TMEM47: variants seen among roughly 807,000 people sequenced by gnomAD.
The protein encoded by TMEM47 is transmembrane protein 47.
A neutral mutation model predicts 12.4 loss-of-function variants in TMEM47; 3 were observed. That is an observed-to-expected ratio of 0.24 (90% CI 0.11 to 0.63). TMEM47 has a LOEUF of 0.63. Among genes scored for constraint, TMEM47 ranks in the 20% least tolerant of loss-of-function variants. TMEM47 has a pLI of 0.86. For missense variants in TMEM47, 89 were observed against 143.8 expected, an observed-to-expected ratio of 0.62 and a Z score of 1.95; for synonymous variants, 62 against 63.3, an observed-to-expected ratio of 0.98 and a Z score of 0.10.
intron 2 of TMEM47, among the ~76,000 whole-genome samples, chrX:34,633,402 T>G (rs1262600115): frequency 1.8e-5 from 2 of 110,841 alleles, no homozygotes; most frequent in Non-Finnish European, 3.8e-5. Flanking sequence ...GCATAGGCAC[T>G]GCAAAACTCC....
chrX:34,647,844 T>C (rs978022481), intron 1 of TMEM47, among the ~76,000 whole-genome samples: 1 of 112,108 alleles, frequency 8.9e-6, no homozygotes, highest in Non-Finnish European at 1.9e-5. Flanking sequence ...TTAAGAAACA[T>C]ACATGGTTGA....
At chrX:34,633,646 T>C (rs1205272864) in intron 2 of TMEM47, among the ~76,000 whole-genome samples, 1 of 111,929 alleles carries the variant, frequency 8.9e-6, no homozygotes, top group Non-Finnish European at 1.9e-5. Context: ...TACTCTAAAA[T>C]GATTACACTG....
At chrX:34,636,246 G>A (rs745317598) in intron 2 of TMEM47, among the ~76,000 whole-genome samples, 2 of 111,456 alleles carry the variant, frequency 1.8e-5, no homozygotes, top group Non-Finnish European at 3.8e-5. Flanking sequence ...GATGAGGGCT[G>A]TAAGACACAA....
At position 34,640,726 on chromosome X, in the gene TMEM47, G is replaced by C. The variant is rs1055108896; in HGVS notation, c.227-1339C>G. 4.5e-5 allele frequency among the ~76,000 whole-genome samples: 5 copies of C among 111,464 alleles called. No homozygotes were observed. The Admixed American group carries it at 4.8e-4, about 11-fold the overall frequency. ...CAAAATGCACTCTTTGTTACGGTAG[G>C]ATAAACGATGAGCAGAGGAATTGCC... is the stretch of plus-strand genomic sequence containing the variant. On this transcript the variant is annotated intron_variant, in intron 1 of 2. Transcript: ENST00000275954.
intron 1 of TMEM47, among the ~76,000 whole-genome samples, chrX:34,642,771 G>A (rs1569163832): frequency 8.9e-6 from 1 of 112,028 alleles, no homozygotes; most frequent in East Asian, 2.8e-4. Context: ...AACTAGAAAT[G>A]GGCCATGACT....
chrX:34,639,241 G>A lies in TMEM47; in HGVS notation c.367+6C>T. On this transcript the variant is annotated splice_donor_region_variant and intron_variant, in intron 2 of 2. Coordinates refer to ENST00000275954, the MANE Select transcript of TMEM47 (RefSeq NM_031442.4). ...ATACTCATTTGAAAGTAATGAATCT[G>A]TTTACCTGCTGCAAAAAGCATGACC... The A allele has an allele frequency of 8.5e-7, 1 of 1,181,271 alleles. No homozygotes were observed. Among genetic ancestry groups the A allele is most frequent in the Non-Finnish European group, 1.1e-6 (1 of 879,700 alleles).
At position 34,656,963 on chromosome X, in the gene TMEM47, C is replaced by G. The variant is rs866841624; in HGVS notation, c.67G>C (p.Gly23Arg). The change falls in exon 1 of 3, where the codon GGG becomes CGG. Residue 23 changes from glycine to arginine, a missense_variant. Coordinates refer to ENST00000275954, the MANE Select transcript of TMEM47 (RefSeq NM_031442.4). Reference sequence around the variant, plus strand: ...AGCGCCAGGAAGATGCACACCAGCCCGACCAGCTTCAAGGGGGTCAGCACC... The same window carrying G: ...AGCGCCAGGAAGATGCACACCAGCCGGACCAGCTTCAAGGGGGTCAGCACC... ...VSVLTPLKLV[G>R]LVCIFLALCL... is the part of the protein sequence containing the mutation. 2.5e-6 allele frequency: 3 copies of G among 1,186,796 alleles called. No individual in the cohort carries two copies. The highest frequency in any genetic ancestry group is 3.4e-6 in the Non-Finnish European group (3 of 883,130).
Position 34,657,229 on chromosome X carries a change from G to A in TMEM47, c.-200C>T. 1 of 560,742 alleles carries A rather than the reference G, an allele frequency of 1.8e-6. No individual in the cohort carries two copies. Among genetic ancestry groups the A allele is most frequent in the Non-Finnish European group, 2.4e-6 (1 of 419,869 alleles). 46.2% of individuals were successfully genotyped at this position (560,742 alleles called of 1,213,427 possible). A position where few individuals can be genotyped will look rare whatever the true frequency, so the allele number is the denominator to read the frequency against. On this transcript the variant is annotated 5_prime_UTR_variant, in exon 1 of 3. Coordinates refer to ENST00000275954, the MANE Select transcript of TMEM47 (RefSeq NM_031442.4). ...GCCGGCCGGGTGTGGGTCGTCGGCA[G>A]CCGCAGCGACGTCGATTCCACCCCG...
intron 1 of TMEM47, among the ~76,000 whole-genome samples, chrX:34,653,810 G>A (rs752167431): frequency 7.2e-5 from 8 of 111,733 alleles, no homozygotes; most frequent in Non-Finnish European, 9.4e-5. Flanking sequence ...TTCTGTGGCC[G>A]GCAGCCATGT....
At chrX:34,652,829 G>A (rs1481564082) in intron 1 of TMEM47, among the ~76,000 whole-genome samples, 1 of 111,864 alleles carries the variant, frequency 8.9e-6, no homozygotes, top group African/African-American at 3.3e-5. Flanking sequence ...TTCTTCTTAT[G>A]TTCTTTTCAA....
At chrX:34,654,031 TAGA>T (rs1459967115) in intron 1 of TMEM47, among the ~76,000 whole-genome samples, 2 of 111,861 alleles carry the variant, frequency 1.8e-5, no homozygotes, top group East Asian at 5.6e-4. Flanking sequence ...TGGTTCGTAC[TAGA>T]AGAGCTGACG....
At chrX:34,641,938 C>A (rs761326853) in intron 1 of TMEM47, among the ~76,000 whole-genome samples, 1 of 112,329 alleles carries the variant, frequency 8.9e-6, no homozygotes, top group Non-Finnish European at 1.9e-5. Context: ...CTCACTGCAA[C>A]CTCCGTCTCC....
rs1448706171 is a variant in TMEM47, at chrX:34,629,063, T to C, written c.*1250A>G. 8.9e-6 allele frequency: 1 copy of C among 111,848 alleles called. No homozygotes were observed. Among genetic ancestry groups the C allele is most frequent in the East Asian group, 2.8e-4 (1 of 3,545 alleles). 9.2% of individuals were successfully genotyped at this position (111,848 alleles called of 1,213,427 possible). ...TGAATTCTACTCCTCTACTGAGACA[T>C]TTAGATATTTATATAAATCTATCGC... On this transcript the variant is annotated 3_prime_UTR_variant, in exon 3 of 3. Coordinates refer to ENST00000275954, the MANE Select transcript of TMEM47 (RefSeq NM_031442.4).
At chrX:34,654,328 C>T (rs978273476) in intron 1 of TMEM47, among the ~76,000 whole-genome samples, 40 of 111,493 alleles carry the variant, frequency 3.6e-4, no homozygotes, top group Non-Finnish European at 4.1e-4. Flanking sequence ...CTTAAAGATC[C>T]TGGTGAAGGG....
intron 1 of TMEM47, 66 bp from the exon 2 acceptor site, chrX:34,639,453 G>T: frequency 9.3e-7 from 1 of 1,078,520 alleles, no homozygotes; most frequent in Non-Finnish European, 1.3e-6. Context: ...ACTATGTTCA[G>T]CAGCCTTCAC....
In TMEM47 at chrX:34,648,812, T is replaced by G. The variant is rs758031572; in HGVS notation, c.226+7992A>C. 3.6e-5 allele frequency among the ~76,000 whole-genome samples: 4 copies of G among 112,339 alleles called. No homozygotes were observed. In the South Asian group the frequency reaches 1.5e-3, roughly 41 times the overall value. On this transcript the variant is annotated intron_variant, in intron 1 of 2. Coordinates refer to ENST00000275954, the MANE Select transcript of TMEM47 (RefSeq NM_031442.4). ...AGCTATTCATCTGACAAAGATCTAA[T>G]AGCCAGCATCCATAAAGAACTTAAA... is the stretch of plus-strand genomic sequence containing the variant.
chrX:34,649,480 T>G (rs1435228224), intron 1 of TMEM47, among the ~76,000 whole-genome samples: 2 of 111,013 alleles, frequency 1.8e-5, no homozygotes, highest in Non-Finnish European at 3.8e-5. Context: ...TTCTCACTTA[T>G]AAGTGGGAGC....
chrX:34,633,622 T>C (rs1016818956), intron 2 of TMEM47, among the ~76,000 whole-genome samples: 2 of 111,748 alleles, frequency 1.8e-5, no homozygotes, highest in African/African-American at 6.5e-5. Flanking sequence ...AGAGAAGTAA[T>C]AACTAATCTG....
At chrX:34,640,259 C>T (rs1211687200) in intron 1 of TMEM47, among the ~76,000 whole-genome samples, 1 of 112,122 alleles carries the variant, frequency 8.9e-6, no homozygotes, top group East Asian at 2.8e-4. Context: ...TTCATTCATA[C>T]ACGGAAACAG....
Sources: allele counts gnomAD v4.1 joint callset (sites outside exome capture counted in the v4.1 genomes callset), GRCh38; gene constraint gnomAD v4.1.1; transcripts MANE v1.5; gene names NCBI Gene and HGNC (gene_info 2026-07-23, HGNC 2026-07-21).